Variants in HELZ observed in about 807,000 individuals in gnomAD.
HELZ encodes the protein helicase with zinc finger, also known as ATP-dependent RNA helicase with zinc finger domain.
A neutral mutation model predicts 218.2 loss-of-function variants in HELZ; 23 were observed. The observed-to-expected ratio is 0.11, with a 90% CI of 0.08 to 0.15. HELZ has a LOEUF of 0.15. HELZ is among the 10% of genes least tolerant of loss of function. The pLI, the probability that HELZ is intolerant of heterozygous loss-of-function variation, is 1.00. For missense variants in HELZ, 1,813 were observed against 2,353.7 expected (o/e 0.77, Z 4.75); for synonymous variants, 814 against 829.4 (o/e 0.98, Z 0.32).
At chr17:67,112,700 G>A (rs2037316012) in intron 28 of HELZ, among the ~76,000 whole-genome samples, 1 of 152,246 alleles carries the variant, frequency 6.6e-6, no homozygotes, top group Admixed American at 6.5e-5. Flanking sequence ...GTATCATGAA[G>A]TGGATACTTA....
At chr17:67,086,018 A>G (rs1285061215) in intron 32 of HELZ, among the ~76,000 whole-genome samples, 2 of 152,182 alleles carry the variant, frequency 1.3e-5, no homozygotes, top group East Asian at 3.8e-4. Flanking sequence ...TCAAAATGTC[A>G]GACTTTACTG....
chr17:67,188,167 G>C lies in HELZ; in HGVS notation c.1162+152C>G. On this transcript the variant is annotated intron_variant, in intron 12 of 32. Coordinates refer to ENST00000358691, the MANE Select transcript of HELZ (RefSeq NM_014877.4). This position sits in a 1 kb window ranked among gnomAD's most constrained non-coding sequence, Gnocchi z 4.1. ...CAGGGCACAGTGTGAATCATTATAA[G>C]CCCATTACACAGTAAATGAGTCAAT... is the stretch of plus-strand genomic sequence containing the variant. The C allele has an allele frequency of 2.9e-6, 2 of 683,770 alleles. No homozygotes were observed. 42.4% of individuals were successfully genotyped at this position (683,770 alleles called of 1,614,324 possible). A position where few individuals can be genotyped will look rare whatever the true frequency, so the allele number is the denominator to read the frequency against.
chr17:67,192,798 A>G (rs2039930534), intron 9 of HELZ, among the ~76,000 whole-genome samples: 1 of 152,212 alleles, frequency 6.6e-6, no homozygotes. Context: ...GTTCTTACAA[A>G]AAGAACCGAA....
At chr17:67,113,206 A>G (rs2037331902) in intron 28 of HELZ, among the ~76,000 whole-genome samples, 1 of 152,190 alleles carries the variant, frequency 6.6e-6, no homozygotes, top group South Asian at 2.1e-4. Context: ...GCTGGAAAGA[A>G]TCCAAAGATA....
At chr17:67,080,675 T>G (rs1303402655) in intron 32 of HELZ, among the ~76,000 whole-genome samples, 1 of 152,230 alleles carries the variant, frequency 6.6e-6, no homozygotes, top group Non-Finnish European at 1.5e-5. Flanking sequence ...AAACTTATCA[T>G]TTTATTGTGG....
At chr17:67,192,186 G>A (rs2039916030) in intron 9 of HELZ, among the ~76,000 whole-genome samples, 1 of 151,584 alleles carries the variant, frequency 6.6e-6, no homozygotes, top group Admixed American at 6.6e-5. Flanking sequence ...TGGGCAACAA[G>A]AGCAAAACTC....
chr17:67,155,247 A>G (rs1439437929), intron 17 of HELZ, among the ~76,000 whole-genome samples: 1 of 152,210 alleles, frequency 6.6e-6, no homozygotes, highest in Non-Finnish European at 1.5e-5. Flanking sequence ...AAATTCCAAA[A>G]TAATGGCAAA....
intron 3 of HELZ, among the ~76,000 whole-genome samples, chr17:67,235,517 A>G (rs551467941): frequency 1.8e-4 from 27 of 151,670 alleles, no homozygotes; most frequent in Admixed American, 5.3e-4. Flanking sequence ...AAAAAAAAAA[A>G]AGAGAGAGAC....
intron 28 of HELZ, 119 bp from the exon 29 acceptor site, chr17:67,109,805 A>C (rs1012789763): frequency 1.5e-6 from 1 of 664,248 alleles, no homozygotes; most frequent in Admixed American, 3.3e-5. Flanking sequence ...CCAGCAGGAG[A>C]GCTGAGTGCT....
chr17:67,174,251 T>G (rs1028549484), intron 13 of HELZ, among the ~76,000 whole-genome samples: 3 of 151,614 alleles, frequency 2.0e-5, no homozygotes, highest in African/African-American at 7.3e-5. Context: ...AACCAAAATG[T>G]ATTTTATCTA....
At chr17:67,124,734 T>A (rs1235978199) in intron 24 of HELZ, among the ~76,000 whole-genome samples, 1 of 152,106 alleles carries the variant, frequency 6.6e-6, no homozygotes, top group African/African-American at 2.4e-5. Flanking sequence ...ATGTTAACAA[T>A]CTACATGCCC....
chr17:67,080,935 C>T (rs2036169862), intron 32 of HELZ, among the ~76,000 whole-genome samples: 1 of 152,190 alleles, frequency 6.6e-6, no homozygotes, highest in Non-Finnish European at 1.5e-5. Flanking sequence ...CCCCACCCAT[C>T]ACACTAAGCT....
At chr17:67,118,210 G>C (rs935813901) in intron 27 of HELZ, among the ~76,000 whole-genome samples, 1 of 152,152 alleles carries the variant, frequency 6.6e-6, no homozygotes, top group African/African-American at 2.4e-5. Flanking sequence ...TCCACATATA[G>C]GATCAACTGA....
At chr17:67,105,005 C>T (rs940540708) in intron 31 of HELZ, among the ~76,000 whole-genome samples, 1 of 151,978 alleles carries the variant, frequency 6.6e-6, no homozygotes, top group Non-Finnish European at 1.5e-5. Context: ...TGGTGGTGGG[C>T]GCCTGTAGTC....
At chr17:67,242,325 T>C (rs1011589883) in intron 2 of HELZ, among the ~76,000 whole-genome samples, 3 of 151,676 alleles carry the variant, frequency 2.0e-5, no homozygotes, top group Non-Finnish European at 4.4e-5. Flanking sequence ...GGCAGGAGAA[T>C]TGCTTGAACC....
chr17:67,159,770 T>C (rs1258085982), intron 17 of HELZ, among the ~76,000 whole-genome samples: 1 of 152,184 alleles, frequency 6.6e-6, no homozygotes, highest in Non-Finnish European at 1.5e-5. Context: ...AGTTGTTAAA[T>C]ACCAGTCAAG....
rs769560803 is a variant in HELZ, at chr17:67,195,438, G to T, written c.462C>A (p.His154Gln). Residue 154 changes from histidine (H) to glutamine (Q), a missense_variant, in exon 8 of 33, where the codon CAC becomes CAA. Physicochemically the swap from His to Gln is conservative, Grantham distance 24 (BLOSUM62 0). Transcript: ENST00000358691. ...TATSNALSGY[H>Q]VEDLDEGSCN... is the part of the protein sequence containing the mutation. The stretch of plus-strand genomic sequence containing the variant: ...ACTTACCCTCATCTAAGTCTTCCAC[G>T]TGATATCCAGAGAGGGCGTTACTAG... 9.3e-6 allele frequency: 15 copies of T among 1,605,712 alleles called. No individual in the cohort carries two copies. Among genetic ancestry groups the T allele is most frequent in the Non-Finnish European group, 1.3e-5 (15 of 1,172,636 alleles).
At chr17:67,220,852 C>G (rs1567904287) in intron 3 of HELZ, among the ~76,000 whole-genome samples, 4 of 141,582 alleles carry the variant, frequency 2.8e-5, no homozygotes, top group Admixed American at 7.0e-5. Context: ...AGATAACTCC[C>G]CCCCCCCCAA....
chr17:67,138,191 A>G (rs1311495582), intron 21 of HELZ, 77 bp from the exon 22 acceptor site: 2 of 1,164,060 alleles, frequency 1.7e-6, no homozygotes, highest in Non-Finnish European at 2.3e-6. Flanking sequence ...ACTAAAACTG[A>G]TTTATAAAGG....
Sources: gnomAD v4.1 joint callset for allele counts (sites outside exome capture counted in the v4.1 genomes callset) on GRCh38, gnomAD v4.1.1 for gene constraint, Gnocchi (gnomAD v3.1) non-coding constraint, MANE v1.5 for transcripts, NCBI Gene and HGNC (gene_info 2026-07-23, HGNC 2026-07-21) for gene names.